Variants in RASGRP4 observed in about 807,000 individuals in gnomAD.
RASGRP4 encodes RAS guanyl releasing protein 4.
A neutral mutation model predicts 84.4 loss-of-function variants in RASGRP4; 52 were observed. The ratio of observed to expected loss-of-function variants is 0.62; its 90% CI spans 0.49 to 0.78. The LOEUF is 0.78. RASGRP4 is among the 30% of genes least tolerant of loss of function. RASGRP4 has a pLI of 0.00. For synonymous variants in RASGRP4, 356 were observed against 359.1 expected, an observed-to-expected ratio of 0.99 and a Z score of 0.10; for missense variants, 760 against 886.9, an observed-to-expected ratio of 0.86 and a Z score of 1.82.
chr19:38,420,347 G>T (rs80159218), intron 4 of RASGRP4, 85 bp from the exon 5 acceptor site: 11 of 1,472,058 alleles, frequency 7.5e-6, no homozygotes, highest in Non-Finnish European at 1.0e-5. Context: ...GAATTTCTAG[G>T]TGCTGAGCTA....
At chr19:38,410,347 C>CT (rs143241039) in intron 16 of RASGRP4, among the ~76,000 whole-genome samples, 2 of 151,858 alleles carry the variant, frequency 1.3e-5, no homozygotes, top group African/African-American at 2.4e-5. Context: ...GGCTAGAATC[C>CT]TTTTTTCTGT....
At chr19:38,422,548 T>C (rs1162819698) in intron 1 of RASGRP4, among the ~76,000 whole-genome samples, 1 of 152,050 alleles carries the variant, frequency 6.6e-6, no homozygotes, top group South Asian at 2.1e-4. Flanking sequence ...TAGACTCTCT[T>C]AGGAGCATGA....
intron 1 of RASGRP4, among the ~76,000 whole-genome samples, chr19:38,423,325 G>A (rs1203087380): frequency 1.3e-5 from 2 of 152,076 alleles, no homozygotes; most frequent in Admixed American, 1.3e-4. Flanking sequence ...AGGAGTTCGA[G>A]ACCACCCCGG....
chr19:38,421,042 C>T, intron 3 of RASGRP4, 53 bp downstream of exon 3: 1 of 1,606,270 alleles, frequency 6.2e-7, no homozygotes, highest in Non-Finnish European at 8.5e-7. Context: ...TGCCCAGGTT[C>T]TCACGACTCT....
chr19:38,412,932 C>T lies in RASGRP4; in HGVS notation c.1534G>A (p.Gly512Arg). 6.2e-7 allele frequency: 1 copy of T among 1,613,940 alleles called. No individual in the cohort carries two copies. The highest frequency in any genetic ancestry group is 8.5e-7 in the Non-Finnish European group (1 of 1,179,824). ...GATCCAGGAGTCACAACCACTTACC[C>T]CTGGCGTGGGGGTGGGTGAAGCCCA... ...CHGLHPPPRQ[G>R]RGSFSREELT... Residue 512 changes from glycine (G) to arginine (R), a missense_variant and splice_region_variant, in exon 12 of 17, where the codon GGG becomes AGG. Gly to Arg is a moderately radical substitution (Grantham distance 125). Transcript: ENST00000615439. This position sits in a 1 kb window ranked among gnomAD's most constrained non-coding sequence, Gnocchi z 4.6.
Position 38,418,058 on chromosome 19 carries a change from G to T in RASGRP4, c.837+333C>A, listed in dbSNP as rs935848329. ...CGACCGCTGGGGCCTGGGGACTGGG[G>T]ATTGAAGCCTCGGGCTTCCATGCCC... is the stretch of plus-strand genomic sequence containing the variant. On this transcript the variant is annotated intron_variant, in intron 7 of 16. Transcript: ENST00000615439. The surrounding 1 kb of genome is among the most constrained non-coding windows in gnomAD (Gnocchi z 4.6). Among the ~76,000 whole-genome samples, 1 of 151,982 alleles carries T rather than the reference G, an allele frequency of 6.6e-6. No homozygotes were observed. Among genetic ancestry groups the T allele is most frequent in the Non-Finnish European group, 1.5e-5 (1 of 67,970 alleles).
rs756599220 is a variant in RASGRP4 at position 38,410,868 on chromosome 19, G to A, written c.1965+18C>T. The A allele has an allele frequency of 1.4e-5, 22 of 1,546,242 alleles. No homozygotes were observed. The highest frequency in any genetic ancestry group is 3.3e-4 in the Middle Eastern group (2 of 5,982). ...TGTCCCCTGTATCCACTTGGGGGTAGGGGCGGTTTCTCCTCACCGTATCTG... is the reference window on the plus strand; with the variant it reads ...TGTCCCCTGTATCCACTTGGGGGTAAGGGCGGTTTCTCCTCACCGTATCTG... On this transcript the variant is annotated intron_variant, in intron 16 of 16. Coordinates refer to ENST00000615439, the MANE Select transcript of RASGRP4 (RefSeq NM_170604.3).
At position 38,418,517 on chromosome 19, in the gene RASGRP4, G is replaced by C; in HGVS notation, c.711C>G (p.Cys237Trp). The change falls in exon 7 of 17, where the codon TGC becomes TGG. Residue 237 changes from cysteine to tryptophan, a missense_variant. By Grantham distance (215) the Cys-to-Trp change is radical. Transcript: ENST00000615439. The surrounding 1 kb of genome is among the most constrained non-coding windows in gnomAD (Gnocchi z 4.6). ...SYVLQGSVRG[C>W]PALEGSVGLS... is the part of the protein sequence containing the mutation. The stretch of plus-strand genomic sequence containing the variant: ...GACCTACGGAGCCCTCCAGGGCCGG[G>C]CAGCCTCGTACTGAGCCCTGCAAAA... 6.4e-7 allele frequency: 1 copy of C among 1,553,584 alleles called. No homozygotes were observed. The highest frequency in any genetic ancestry group is 8.7e-7 in the Non-Finnish European group (1 of 1,149,134).
chr19:38,412,297 T>C lies in RASGRP4; in HGVS notation c.1680+375A>G. ...CACATGCAGCTAATTTTTGTATTTT[T>C]AGTAGAGACGGGGTCTCTCTTGCTA... is the stretch of plus-strand genomic sequence containing the variant. On this transcript the variant is annotated intron_variant, in intron 13 of 16. Transcript: ENST00000615439. The surrounding 1 kb of genome is among the most constrained non-coding windows in gnomAD (Gnocchi z 4.6). The C allele has an allele frequency of 5.3e-6, 1 of 188,232 alleles. No individual in the cohort carries two copies. Among genetic ancestry groups the C allele is most frequent in the Non-Finnish European group, 1.1e-5 (1 of 89,406 alleles). The allele number at this position is 188,232 out of a possible 1,614,324, so 11.7% of individuals were successfully genotyped here. A position where few individuals can be genotyped will look rare whatever the true frequency, so the allele number is the denominator to read the frequency against.
At position 38,410,137 on chromosome 19, in the gene RASGRP4, G is replaced by A. The variant is rs565525070; in HGVS notation, c.1966-41C>T. Reference sequence around the variant, plus strand: ...GAGGAAGAAAGATGACAGATGATGTGGGGAGCATATGATGTCTAGGAGACG... The same window carrying A: ...GAGGAAGAAAGATGACAGATGATGTAGGGAGCATATGATGTCTAGGAGACG... On this transcript the variant is annotated intron_variant, in intron 16 of 16. Coordinates refer to ENST00000615439, the MANE Select transcript of RASGRP4 (RefSeq NM_170604.3). The A allele has an allele frequency of 7.0e-5, 108 of 1,538,126 alleles. 1 individual carries two copies. The South Asian group carries it at 1.0e-3, about 15-fold the overall frequency.
chr19:38,425,208 AAC>A (rs1971941110), intron 1 of RASGRP4, among the ~76,000 whole-genome samples: 1 of 151,750 alleles, frequency 6.6e-6, no homozygotes, highest in African/African-American at 2.4e-5. Flanking sequence ...AAAAAAAAAA[AAC>A]CAAACACTTT....
intron 16 of RASGRP4, 38 bp from the exon 17 acceptor site, chr19:38,410,134 T>C (rs1268325296): frequency 3.2e-6 from 5 of 1,546,544 alleles, no homozygotes; most frequent in Admixed American, 3.4e-5. Context: ...TGACAGATGA[T>C]GTGGGGAGCA....
chr19:38,421,228 A>T (rs779352298), intron 2 of RASGRP4, 28 bp from the exon 3 acceptor site: 7 of 1,503,632 alleles, frequency 4.7e-6, no homozygotes, highest in Non-Finnish European at 6.5e-6. Context: ...GTACTCTGTG[A>T]CAGAATGGCC....
intron 1 of RASGRP4, among the ~76,000 whole-genome samples, chr19:38,422,689 C>A (rs117793903): frequency 0.012 from 1,778 of 152,190 alleles, 72 homozygotes; most frequent in Admixed American, 0.083. Context: ...CTCTCATCAC[C>A]CCCAGATGGG....
At chr19:38,410,228 T>TCCTTTTTGTAACCCA (rs1971172086) in intron 16 of RASGRP4, 132 bp from the exon 17 acceptor site, 2 of 643,520 alleles carry the variant, frequency 3.1e-6, no homozygotes, top group African/African-American at 3.7e-5. Flanking sequence ...CCCTGTGGAA[T>TCCTTTTTGTAACCCA]CCTTTTTGTA....
chr19:38,423,979 GC>G (rs1971875997), intron 1 of RASGRP4, among the ~76,000 whole-genome samples: 1 of 152,166 alleles, frequency 6.6e-6, no homozygotes, highest in African/African-American at 2.4e-5. Context: ...CTGAATCCAA[GC>G]TTCAGACGAA....
At position 38,422,132 on chromosome 19, in the gene RASGRP4, G is replaced by A. The variant is rs374243915; in HGVS notation, c.45C>T (p.Thr15=). ...GCCGGCCTCGCCCTCCTATTTTTCC[G>A]GTGCATTCCTGGTGGGACTTCCTGT... ...DSKRKSHQEC[T]GKIGGRGRPR... is the part of the protein sequence containing the mutation. The change falls in exon 2 of 17, where the codon ACC becomes ACT. Residue 15 remains threonine, a synonymous_variant. Transcript: ENST00000615439. The A allele has an allele frequency of 5.8e-5, 94 of 1,610,970 alleles. No individual in the cohort carries two copies. The highest frequency in any genetic ancestry group is 1.6e-4 in the Middle Eastern group (1 of 6,070).
In RASGRP4 at chr19:38,413,516, C is replaced by T. The variant is rs756041169; in HGVS notation, c.1231-42G>A. ...TGTTACGGATCCTCCCATCTATAGCCCTGCCCCAGACCCCCACACCCACTC... is the reference window on the plus strand; with the variant it reads ...TGTTACGGATCCTCCCATCTATAGCTCTGCCCCAGACCCCCACACCCACTC... On this transcript the variant is annotated intron_variant, in intron 9 of 16. Coordinates refer to ENST00000615439, the MANE Select transcript of RASGRP4 (RefSeq NM_170604.3). This position sits in a 1 kb window ranked among gnomAD's most constrained non-coding sequence, Gnocchi z 4.7. 3 of 1,518,512 alleles carry T rather than the reference C, an allele frequency of 2.0e-6. No homozygotes were observed. Among genetic ancestry groups the T allele is most frequent in the African/African-American group, 2.8e-5 (2 of 72,478 alleles). 94.1% of individuals were successfully genotyped at this position (1,518,512 alleles called of 1,614,324 possible). A position where few individuals can be genotyped will look rare whatever the true frequency, so the allele number is the denominator to read the frequency against.
chr19:38,410,291 G>A (rs577036360), intron 16 of RASGRP4, among the ~76,000 whole-genome samples, 195 bp from the exon 17 acceptor site: 47 of 152,184 alleles, frequency 3.1e-4, no homozygotes, highest in African/African-American at 9.9e-4. Context: ...CCATTAACCC[G>A]TACAGTAGCT....
Sources: allele counts gnomAD v4.1 joint callset (sites outside exome capture counted in the v4.1 genomes callset), GRCh38; gene constraint gnomAD v4.1.1; non-coding constraint Gnocchi (gnomAD v3.1); transcripts MANE v1.5; gene names NCBI Gene and HGNC (gene_info 2026-07-23, HGNC 2026-07-21).